The following PRKN variants were observed in gnomAD, a reference collection of about 807,000 sequenced individuals.
The protein encoded by PRKN is parkin RBR E3 ubiquitin protein ligase, also known as E3 ubiquitin-protein ligase parkin.
PRKN carries 56 observed loss-of-function variants against 59.5 expected under a neutral mutation model. The observed-to-expected ratio is 0.94, with a 90% CI of 0.76 to 1.18. The LOEUF is 1.18. Ranked by LOEUF, PRKN falls within the 50% of genes most tolerant of loss-of-function variation. PRKN has a pLI of 0.00. For missense variants in PRKN, 657 were observed against 596.4 expected (o/e 1.10, Z -1.06); for synonymous variants, 250 against 222.1 (o/e 1.13, Z -1.12).
At chr6:162,225,358 G>A (rs893512918) in intron 3 of PRKN, among the ~76,000 whole-genome samples, 3 of 152,150 alleles carry the variant, frequency 2.0e-5, no homozygotes, top group Non-Finnish European at 4.4e-5. Context: ...GACTCAACAG[G>A]AGCTTCTGTG....
chr6:161,877,715 G>T (rs550167831), intron 6 of PRKN, among the ~76,000 whole-genome samples: 3 of 151,868 alleles, frequency 2.0e-5, no homozygotes, highest in Admixed American at 2.0e-4. Flanking sequence ...TGATCTGCCC[G>T]CCTCAGCCTC....
At chr6:162,372,518 C>G (rs1008141040) in intron 2 of PRKN, among the ~76,000 whole-genome samples, 3 of 152,060 alleles carry the variant, frequency 2.0e-5, no homozygotes, top group Middle Eastern at 3.4e-3. Context: ...TGGGTAAACA[C>G]GGACATAAAT....
At chr6:162,525,109 C>A (rs2803079) in intron 1 of PRKN, among the ~76,000 whole-genome samples, 52,503 of 151,978 alleles carry the variant, frequency 0.35, 10,245 homozygotes, top group Non-Finnish European at 0.45. Flanking sequence ...GAGTGGGAGG[C>A]CCCAGCCCAC....
chr6:162,301,263 A>T (rs1045719438), intron 2 of PRKN, among the ~76,000 whole-genome samples: 4 of 152,168 alleles, frequency 2.6e-5, no homozygotes, highest in Admixed American at 6.5e-5. Flanking sequence ...AGAGAAGACC[A>T]GATTCCAGGC....
At chr6:162,360,754 T>G (rs1785099719) in intron 2 of PRKN, among the ~76,000 whole-genome samples, 1 of 152,212 alleles carries the variant, frequency 6.6e-6, no homozygotes, top group African/African-American at 2.4e-5. Context: ...ATTACTTCTA[T>G]GTTTCCGTGG....
chr6:161,840,263 TCACA>T (rs1462620667), intron 6 of PRKN, among the ~76,000 whole-genome samples: 1 of 152,212 alleles, frequency 6.6e-6, no homozygotes, highest in Non-Finnish European at 1.5e-5. Flanking sequence ...ATCTGGGGCA[TCACA>T]GGTGACAGGC....
chr6:161,548,425 AT>A lies in PRKN; in HGVS notation c.1083+428del, dbSNP rs1779871211. ...TTTCAAGTTTTCCACATTAACCTTCATTTTATTTCTTGAAATACTCAGGCAA... is the reference window on the plus strand; with the variant it reads ...TTTCAAGTTTTCCACATTAACCTTCATTTATTTCTTGAAATACTCAGGCAA... On this transcript the variant is annotated intron_variant, in intron 9 of 11. Transcript: ENST00000366898. The surrounding 1 kb of genome is among the most constrained non-coding windows in gnomAD (Gnocchi z 4.2). 6.6e-6 allele frequency among the ~76,000 whole-genome samples: 1 copy of A among 152,192 alleles called. No homozygotes were observed. The highest frequency in any genetic ancestry group is 2.4e-5 in the African/African-American group (1 of 41,452).
chr6:162,715,505 T>C (rs955447912), intron 1 of PRKN, among the ~76,000 whole-genome samples: 51 of 152,224 alleles, frequency 3.4e-4, no homozygotes, highest in Non-Finnish European at 1.2e-4. Flanking sequence ...ATTGCCCTAA[T>C]AGTTTAAAGA....
At chr6:161,663,906 G>C (rs1784636115) in intron 7 of PRKN, among the ~76,000 whole-genome samples, 1 of 152,160 alleles carries the variant, frequency 6.6e-6, no homozygotes, top group African/African-American at 2.4e-5. Context: ...GGAGTGGCTT[G>C]GGTTGGCTTT....
intron 2 of PRKN, among the ~76,000 whole-genome samples, chr6:162,412,965 T>TTAA (rs1353885360): frequency 6.6e-6 from 1 of 152,178 alleles, no homozygotes; most frequent in Non-Finnish European, 1.5e-5. Flanking sequence ...TAAACACAGT[T>TTAA]TAATGAATTT....
intron 1 of PRKN, among the ~76,000 whole-genome samples, chr6:162,690,167 C>T (rs2803083): frequency 6.6e-6 from 1 of 152,054 alleles, no homozygotes; most frequent in Non-Finnish European, 1.5e-5. Flanking sequence ...ATATCAGTAA[C>T]GAGTAACCTC....
At position 162,054,164 on chromosome 6, in the gene PRKN, C is replaced by T; in HGVS notation, c.545G>A (p.Cys182Tyr). Residue 182 changes from cysteine to tyrosine, a missense_variant, in exon 5 of 12, where the codon TGC becomes TAC. Cys to Tyr is a radical substitution (Grantham distance 194, BLOSUM62 -2). Transcript: ENST00000366898. ...GTTTGGAATTAAAACATCATCCCAG[C>T]AAGATGGACCCTTTGGGAAAAAACA... is the stretch of plus-strand genomic sequence containing the variant. ...ATLTLTQGPS[C>Y]WDDVLIPNRM... 6.2e-7 allele frequency: 1 copy of T among 1,610,998 alleles called. No individual in the cohort carries two copies. The highest frequency in any genetic ancestry group is 8.5e-7 in the Non-Finnish European group (1 of 1,177,206).
At chr6:162,588,843 G>A (rs112300591) in intron 1 of PRKN, among the ~76,000 whole-genome samples, 3,137 of 152,192 alleles carry the variant, frequency 0.021, 109 homozygotes, top group African/African-American at 0.07. Context: ...GAGCCACCGC[G>A]CCCGGCCCAG....
intron 5 of PRKN, among the ~76,000 whole-genome samples, chr6:162,001,047 T>A (rs1303947782): frequency 6.6e-6 from 1 of 152,092 alleles, no homozygotes; most frequent in East Asian, 1.9e-4. Flanking sequence ...TACTGTAGTT[T>A]TGTATAGTTA....
intron 1 of PRKN, among the ~76,000 whole-genome samples, chr6:162,520,494 T>C (rs1334196881): frequency 6.6e-6 from 1 of 152,202 alleles, no homozygotes; most frequent in Non-Finnish European, 1.5e-5. Flanking sequence ...TGCTATTCTC[T>C]TGGTCACTCA....
intron 7 of PRKN, among the ~76,000 whole-genome samples, chr6:161,707,703 A>C (rs1030553682): frequency 6.7e-5 from 8 of 120,252 alleles, no homozygotes; most frequent in African/African-American, 3.2e-4. Flanking sequence ...TTTCGATTTT[A>C]ACAAATTTAA....
intron 7 of PRKN, among the ~76,000 whole-genome samples, chr6:161,756,913 G>A (rs1788951276): frequency 6.6e-6 from 1 of 152,172 alleles, no homozygotes. Context: ...GTGACACAGA[G>A]CGCAGAGAAC....
At chr6:161,647,802 A>G (rs954880726) in intron 7 of PRKN, among the ~76,000 whole-genome samples, 3 of 152,094 alleles carry the variant, frequency 2.0e-5, no homozygotes, top group Admixed American at 6.5e-5. Flanking sequence ...TGCTTTTAGC[A>G]TTAGGAAAAG....
intron 7 of PRKN, among the ~76,000 whole-genome samples, chr6:161,585,508 A>G (rs1186892196): frequency 6.6e-6 from 1 of 152,228 alleles, no homozygotes. Flanking sequence ...CTAAACGCCA[A>G]ATAGAGTCTG....
Sources: gnomAD v4.1 joint callset for allele counts (sites outside exome capture counted in the v4.1 genomes callset) on GRCh38, gnomAD v4.1.1 for gene constraint, Gnocchi (gnomAD v3.1) non-coding constraint, MANE v1.5 for transcripts, NCBI Gene and HGNC (gene_info 2026-07-23, HGNC 2026-07-21) for gene names.